SKAP1: variants seen among roughly 807,000 people sequenced by gnomAD.
SKAP1 encodes src kinase-associated phosphoprotein 1.
Under a neutral mutation model 58.5 loss-of-function variants are expected in SKAP1, and 44 were observed. The ratio of observed to expected loss-of-function variants is 0.75; its 90% CI spans 0.59 to 0.97. The LOEUF (loss-of-function observed/expected upper bound fraction) is 0.97, where lower values mean the gene tolerates loss of function less well. SKAP1 is among the 50% of genes least tolerant of loss of function. The probability of loss-of-function intolerance (pLI) is 0.00; values close to 1 mark genes in which losing one functional copy is unlikely to be tolerated. For missense variants in SKAP1, 390 were observed against 435.2 expected (o/e 0.90, Z 0.92); for synonymous variants, 127 against 149.7 (o/e 0.85, Z 1.11).
At chr17:48,321,172 T>C (rs1360125524) in intron 4 of SKAP1, among the ~76,000 whole-genome samples, 5 of 152,076 alleles carry the variant, frequency 3.3e-5, no homozygotes, top group African/African-American at 1.2e-4. Context: ...TGTTTTCTAA[T>C]TACCCAAAAG....
At position 48,320,276 on chromosome 17, in the gene SKAP1, T is replaced by TA. The variant is rs142316774; in HGVS notation, c.280+25628dup. Among the ~76,000 whole-genome samples the TA allele has an allele frequency of 4.1e-3, 625 of 152,306 alleles. 2 individuals are homozygous for TA. Among genetic ancestry groups the TA allele is most frequent in the Middle Eastern group, 0.031 (9 of 294 alleles). ...GATCTTATTGGTTCTCTGTACACCT[T>TA]AAAAAGCCCCTAAGTCTATTCTGAG... is the stretch of plus-strand genomic sequence containing the variant. On this transcript the variant is annotated intron_variant, in intron 4 of 12. Coordinates refer to ENST00000336915, the MANE Select transcript of SKAP1 (RefSeq NM_003726.4).
intron 4 of SKAP1, among the ~76,000 whole-genome samples, chr17:48,227,184 G>A (rs2065078768): frequency 6.6e-6 from 1 of 152,172 alleles, no homozygotes; most frequent in East Asian, 1.9e-4. Context: ...GAGGGAACAT[G>A]GTATAAAAAA....
intron 3 of SKAP1, among the ~76,000 whole-genome samples, chr17:48,360,307 C>A (rs1300590131): frequency 6.6e-6 from 1 of 151,692 alleles, no homozygotes; most frequent in Non-Finnish European, 1.5e-5. Flanking sequence ...AACATTATAC[C>A]TTATAATCAA....
intron 1 of SKAP1, among the ~76,000 whole-genome samples, chr17:48,403,442 T>C (rs2067528322): frequency 6.6e-6 from 1 of 151,636 alleles, no homozygotes; most frequent in Admixed American, 6.6e-5. Flanking sequence ...CATATATATA[T>C]ATGTATCAGT....
At chr17:48,293,516 G>A (rs2065924196) in intron 4 of SKAP1, among the ~76,000 whole-genome samples, 1 of 152,216 alleles carries the variant, frequency 6.6e-6, no homozygotes. Context: ...GATATTCCTT[G>A]GATATCCCTT....
chr17:48,367,102 A>C (rs1294554703), intron 2 of SKAP1, among the ~76,000 whole-genome samples: 1 of 152,170 alleles, frequency 6.6e-6, no homozygotes, highest in Non-Finnish European at 1.5e-5. Flanking sequence ...TACCTACTTT[A>C]AAGTGCCCTG....
At chr17:48,333,119 T>A (rs2066526929) in intron 4 of SKAP1, among the ~76,000 whole-genome samples, 1 of 152,182 alleles carries the variant, frequency 6.6e-6, no homozygotes, top group Non-Finnish European at 1.5e-5. Flanking sequence ...GTAACAGCCA[T>A]AATTTCAATA....
chr17:48,405,620 C>A (rs2067571984), intron 1 of SKAP1, among the ~76,000 whole-genome samples: 1 of 151,364 alleles, frequency 6.6e-6, no homozygotes, highest in Non-Finnish European at 1.5e-5. Flanking sequence ...CCCCTATCAG[C>A]CTCCTGAGTA....
intron 4 of SKAP1, among the ~76,000 whole-genome samples, chr17:48,315,589 A>G (rs997372249): frequency 6.6e-6 from 1 of 152,212 alleles, no homozygotes; most frequent in Non-Finnish European, 1.5e-5. Context: ...TACTGTGTAT[A>G]CTTACAGATC....
intron 9 of SKAP1, among the ~76,000 whole-genome samples, chr17:48,179,702 C>T (rs1185443015): frequency 3.3e-5 from 5 of 152,216 alleles, no homozygotes; most frequent in South Asian, 4.1e-4. Context: ...CTCACAACTA[C>T]ACACCAAAAA....
chr17:48,254,127 AG>A lies in SKAP1; in HGVS notation c.281-64628del, dbSNP rs1435415991. Among the ~76,000 whole-genome samples the A allele has an allele frequency of 2.0e-5, 3 of 152,186 alleles. No individual in the cohort carries two copies. In the East Asian group the frequency reaches 5.8e-4, roughly 29 times the overall value. ...TACTACGTGTCCCTGGATAAATAAT[AG>A]GGCCATTCAACTAATTAGCTTCAGT... On this transcript the variant is annotated intron_variant, in intron 4 of 12. Transcript: ENST00000336915.
chr17:48,136,426 C>A (rs1054653908), intron 12 of SKAP1: 13 of 152,390 alleles, frequency 8.5e-5, no homozygotes, highest in African/African-American at 3.1e-4. Context: ...CCGCCTCGGA[C>A]TCCCAAAGTG....
At chr17:48,239,710 C>T (rs1482114766) in intron 4 of SKAP1, among the ~76,000 whole-genome samples, 1 of 152,068 alleles carries the variant, frequency 6.6e-6, no homozygotes, top group Non-Finnish European at 1.5e-5. Flanking sequence ...AAACAGGCAA[C>T]CATGAATCCT....
At chr17:48,378,101 A>G (rs961918196) in intron 2 of SKAP1, among the ~76,000 whole-genome samples, 2 of 151,898 alleles carry the variant, frequency 1.3e-5, no homozygotes, top group African/African-American at 4.8e-5. Context: ...CTTTTAATCA[A>G]TCTCCTCTCC....
At chr17:48,193,037 GCTTT>G (rs949192063) in intron 4 of SKAP1, among the ~76,000 whole-genome samples, 2 of 151,946 alleles carry the variant, frequency 1.3e-5, no homozygotes, top group African/African-American at 2.4e-5. Context: ...GTGTTATGTT[GCTTT>G]CTTTCTTTCT....
chr17:48,399,023 A>C (rs2144540360), intron 1 of SKAP1, among the ~76,000 whole-genome samples: 1 of 152,270 alleles, frequency 6.6e-6, no homozygotes, highest in African/African-American at 2.4e-5. Flanking sequence ...CCGTCTCAAA[A>C]AGAAACAAAC....
chr17:48,308,258 T>C (rs942865330), intron 4 of SKAP1: 2 of 152,182 alleles, frequency 1.3e-5, no homozygotes, highest in Admixed American at 6.5e-5. Flanking sequence ...AACTGAGCTA[T>C]CCTTAGAGTA....
chr17:48,333,063 T>C (rs1463137547), intron 4 of SKAP1, among the ~76,000 whole-genome samples: 7 of 152,192 alleles, frequency 4.6e-5, no homozygotes, highest in Admixed American at 4.6e-4. Flanking sequence ...GGCTTCTGCA[T>C]TGCCAGACCA....
intron 4 of SKAP1, among the ~76,000 whole-genome samples, chr17:48,273,241 T>G (rs146653650): frequency 1.3e-4 from 20 of 152,300 alleles, no homozygotes; most frequent in African/African-American, 4.8e-4. Flanking sequence ...TCTGAACATT[T>G]CCTTTCTGTG....
Sources: gnomAD v4.1 joint callset for allele counts (sites outside exome capture counted in the v4.1 genomes callset) on GRCh38, gnomAD v4.1.1 for gene constraint, MANE v1.5 for transcripts, NCBI Gene and HGNC (gene_info 2026-07-23, HGNC 2026-07-21) for gene names.